Variants in ARPC2 observed in about 807,000 individuals in gnomAD.
The protein encoded by ARPC2 is actin-related protein 2/3 complex subunit 2.
In ARPC2, 4 loss-of-function variants were observed where a neutral mutation model predicts 38.6. That is an observed-to-expected ratio of 0.10 (90% CI 0.05 to 0.24). The LOEUF is 0.24. Ranked by LOEUF, ARPC2 falls within the 10% of genes least tolerant of loss-of-function variation. ARPC2 has a pLI of 1.00. For missense variants in ARPC2, 229 were observed against 387.3 expected, an observed-to-expected ratio of 0.59 and a Z score of 3.43; for synonymous variants, 125 against 140.8, an observed-to-expected ratio of 0.89 and a Z score of 0.79.
At chr2:218,252,662 C>T (rs780551459) in intron 10 of ARPC2, among the ~76,000 whole-genome samples, 15 of 152,156 alleles carry the variant, frequency 9.9e-5, no homozygotes, top group Non-Finnish European at 1.8e-4. Flanking sequence ...GACTGGAAGG[C>T]TGGGCATCAT....
At chr2:218,224,808 GGCTTCTATATCA>G (rs1689460132) in intron 2 of ARPC2, among the ~76,000 whole-genome samples, 2 of 152,108 alleles carry the variant, frequency 1.3e-5, no homozygotes, top group Admixed American at 1.3e-4. Context: ...GGTATTGTCT[GGCTTCTATATCA>G]GCTTTTTAAC....
intron 3 of ARPC2, chr2:218,227,052 A>G: frequency 2.4e-5 from 11 of 456,394 alleles, no homozygotes; most frequent in Non-Finnish European, 4.9e-5. Flanking sequence ...CCTCGACAAG[A>G]TGATCTTGGA....
intron 5 of ARPC2, chr2:218,236,806 T>TA (rs1689784438): frequency 1.5e-5 from 2 of 134,466 alleles, no homozygotes; most frequent in African/African-American, 5.1e-5. Flanking sequence ...AAAAAAAAAA[T>TA]ACAGATCTCA....
At chr2:218,224,003 A>G (rs560539409) in intron 2 of ARPC2, among the ~76,000 whole-genome samples, 18 of 152,200 alleles carry the variant, frequency 1.2e-4, no homozygotes, top group Non-Finnish European at 2.6e-4. Context: ...AAGACTTCCC[A>G]TGAAGTCTCC....
intron 3 of ARPC2, among the ~76,000 whole-genome samples, chr2:218,228,179 C>T (rs1165720181): frequency 1.3e-5 from 2 of 151,870 alleles, no homozygotes; most frequent in African/African-American, 4.8e-5. Context: ...CTGAGGTGGG[C>T]AGATCATGAG....
At position 218,249,400 on chromosome 2, in the gene ARPC2, A is replaced by G. The variant is rs763524611; in HGVS notation, c.713A>G (p.Asp238Gly). Residue 238 changes from aspartate (D) to glycine (G), a missense_variant, in exon 9 of 11, where the codon GAC becomes GGC. By Grantham distance (94) the Asp-to-Gly change is moderately conservative. Transcript: ENST00000315717. ...CGTCACACCAATGCCAGTGCTCGAG[A>G]CAACACCATCAACCTGATCCACACG... Reference protein sequence around the residue: ...FPRHTNASARDNTINLIHTFR... With the variant: ...FPRHTNASARGNTINLIHTFR... 2 of 1,613,532 alleles carry G rather than the reference A, an allele frequency of 1.2e-6. No individual in the cohort carries two copies. The highest frequency in any genetic ancestry group is 8.5e-7 in the Non-Finnish European group (1 of 1,179,852).
intron 8 of ARPC2, among the ~76,000 whole-genome samples, chr2:218,246,786 C>T (rs1461518224): frequency 1.3e-5 from 2 of 152,144 alleles, no homozygotes; most frequent in East Asian, 3.8e-4. Context: ...ACCTGGCCAA[C>T]ATGGTGAAAC....
chr2:218,223,147 C>T (rs143634940), intron 2 of ARPC2, among the ~76,000 whole-genome samples: 2 of 152,302 alleles, frequency 1.3e-5, no homozygotes, highest in East Asian at 3.9e-4. Flanking sequence ...GAGCAGTGAA[C>T]CATGGTCTGA....
chr2:218,239,359 GT>G, intron 6 of ARPC2, 31 bp from the exon 7 acceptor site: 1 of 1,496,990 alleles, frequency 6.7e-7, no homozygotes, highest in Non-Finnish European at 9.3e-7. Flanking sequence ...TTCTGATTCT[GT>G]ACTTATCCTC....
intron 4 of ARPC2, among the ~76,000 whole-genome samples, chr2:218,229,894 T>C (rs991152901): frequency 6.6e-6 from 1 of 152,154 alleles, no homozygotes; most frequent in African/African-American, 2.4e-5. Context: ...TGAAGAATTG[T>C]TTTGTAAAAG....
In ARPC2 at chr2:218,225,856, G is replaced by C. The variant is rs1455231070; in HGVS notation, c.75-64G>C. The C allele has an allele frequency of 8.4e-6, 13 of 1,546,204 alleles. No individual in the cohort carries two copies. In the East Asian group the frequency reaches 2.9e-4, roughly 35 times the overall value. Reference sequence around the variant, plus strand: ...TAAGTGAAGCTCAGGTGCCTTTCCAGTTCCCTTTGAAGGTAAGCAGCAATA... The same window carrying C: ...TAAGTGAAGCTCAGGTGCCTTTCCACTTCCCTTTGAAGGTAAGCAGCAATA... On this transcript the variant is annotated intron_variant, in intron 2 of 10. Coordinates refer to ENST00000315717, the MANE Select transcript of ARPC2 (RefSeq NM_152862.3).
At chr2:218,249,304 T>TC in intron 8 of ARPC2, 60 bp from the exon 9 acceptor site, 1 of 1,225,256 alleles carries the variant, frequency 8.2e-7, no homozygotes, top group South Asian at 1.3e-5. Flanking sequence ...CTGTTGTTCT[T>TC]CCCCACCCTT....
At chr2:218,219,722 C>T (rs547447295) in intron 2 of ARPC2, among the ~76,000 whole-genome samples, 40 of 152,096 alleles carry the variant, frequency 2.6e-4, no homozygotes, top group African/African-American at 8.2e-4. Context: ...TGCACATGTG[C>T]GGGTGTATGT....
intron 2 of ARPC2, among the ~76,000 whole-genome samples, chr2:218,222,495 A>T (rs1274471828): frequency 6.6e-6 from 1 of 152,196 alleles, no homozygotes; most frequent in East Asian, 1.9e-4. Flanking sequence ...ATTATGTTTT[A>T]GTGTCTTGGG....
At chr2:218,252,900 C>T (rs1048322618) in intron 10 of ARPC2, 2 of 456,674 alleles carry the variant, frequency 4.4e-6, no homozygotes, top group Non-Finnish European at 4.4e-6. Flanking sequence ...TAAGCCTCCT[C>T]TCTGGGACTT....
chr2:218,238,622 T>A, intron 5 of ARPC2, 42 bp from the exon 6 acceptor site: 4 of 960,444 alleles, frequency 4.2e-6, no homozygotes, highest in Non-Finnish European at 6.1e-6. Context: ...TAAATGTAAC[T>A]GCTGGGTTGT....
intron 2 of ARPC2, among the ~76,000 whole-genome samples, chr2:218,219,131 A>G (rs1053235981): frequency 5.9e-5 from 9 of 152,328 alleles, no homozygotes; most frequent in Middle Eastern, 3.4e-3. Context: ...GCTGATCTAC[A>G]AGATAAATGG....
intron 8 of ARPC2, among the ~76,000 whole-genome samples, chr2:218,247,887 A>G (rs1212965619): frequency 1.3e-5 from 2 of 151,646 alleles, no homozygotes; most frequent in Non-Finnish European, 2.9e-5. Context: ...AGCTTGCAAT[A>G]GGCCAAGATC....
intron 10 of ARPC2, among the ~76,000 whole-genome samples, chr2:218,251,192 T>C (rs1690181458): frequency 6.7e-6 from 1 of 149,772 alleles, no homozygotes; most frequent in Admixed American, 6.6e-5. Context: ...ACTGTTGTTG[T>C]TTTGTTTTGT....
Sources: allele counts gnomAD v4.1 joint callset (sites outside exome capture counted in the v4.1 genomes callset), GRCh38; gene constraint gnomAD v4.1.1; transcripts MANE v1.5; gene names NCBI Gene and HGNC (gene_info 2026-07-23, HGNC 2026-07-21).